Variants in HERC4 observed in about 807,000 individuals in gnomAD.
The protein encoded by HERC4 is probable E3 ubiquitin-protein ligase HERC4.
A neutral mutation model predicts 124.3 loss-of-function variants in HERC4; 28 were observed. The observed-to-expected ratio is 0.23, with a 90% CI of 0.17 to 0.31. The LOEUF (loss-of-function observed/expected upper bound fraction) is 0.31, where lower values mean the gene tolerates loss of function less well. HERC4 is among the 10% of genes least tolerant of loss of function. HERC4 has a pLI of 1.00. For missense variants in HERC4, 713 were observed against 1,229.3 expected, an observed-to-expected ratio of 0.58 and a Z score of 6.28; for synonymous variants, 407 against 421.5, an observed-to-expected ratio of 0.97 and a Z score of 0.42.
chr10:68,057,421 C>T (rs540283169), intron 3 of HERC4, among the ~76,000 whole-genome samples: 93 of 152,016 alleles, frequency 6.1e-4, no homozygotes, highest in Non-Finnish European at 9.0e-4. Context: ...GTCAGGAGTT[C>T]GAGAGCAGCC....
chr10:68,015,037 T>C lies in HERC4; in HGVS notation c.909-851A>G, dbSNP rs368525664. Among the ~76,000 whole-genome samples the C allele has an allele frequency of 7.2e-5, 11 of 152,336 alleles. No homozygotes were observed. The South Asian group carries it at 1.7e-3, about 23-fold the overall frequency. On this transcript the variant is annotated intron_variant, in intron 8 of 24. Transcript: ENST00000373700. ...ACCCATATCTTATGCAATATGACTA[T>C]TACAGTTGTTCCCAGCAAGACTGGA...
intron 3 of HERC4, among the ~76,000 whole-genome samples, chr10:68,048,173 C>T (rs1470508497): frequency 6.6e-6 from 1 of 152,116 alleles, no homozygotes; most frequent in Non-Finnish European, 1.5e-5. Flanking sequence ...CCCACCTCAG[C>T]CTCCCAAAGT....
intron 3 of HERC4, 147 bp from the exon 4 acceptor site, chr10:68,044,710 G>T (rs111833043): frequency 1.5e-6 from 1 of 673,746 alleles, no homozygotes. Flanking sequence ...ACACACACTA[G>T]ATATAACCAG....
At chr10:67,992,109 C>A in intron 11 of HERC4, 90 bp downstream of exon 11, 1 of 1,230,624 alleles carries the variant, frequency 8.1e-7, no homozygotes, top group Non-Finnish European at 1.2e-6. Flanking sequence ...GTTGCCCAGG[C>A]TGGTCTCCAA....
At chr10:67,932,252 T>C (rs961636410) in intron 23 of HERC4, among the ~76,000 whole-genome samples, 2 of 152,174 alleles carry the variant, frequency 1.3e-5, no homozygotes, top group Non-Finnish European at 2.9e-5. Context: ...CCACCACGCC[T>C]GGCCTAAGTT....
chr10:68,068,993 T>A (rs555632375), intron 3 of HERC4: 4 of 951,918 alleles, frequency 4.2e-6, no homozygotes, highest in Non-Finnish European at 3.8e-6. Context: ...GTTTTTTAGA[T>A]AACAGGGCTT....
intron 23 of HERC4, 127 bp from the exon 24 acceptor site, chr10:67,925,314 C>A: frequency 1.9e-6 from 1 of 516,100 alleles, no homozygotes; most frequent in Non-Finnish European, 3.5e-6. Context: ...GTTTTCTGGA[C>A]ATTTACAATT....
intron 3 of HERC4, among the ~76,000 whole-genome samples, chr10:68,052,949 T>C (rs967854091): frequency 6.6e-6 from 1 of 152,194 alleles, no homozygotes. Flanking sequence ...TATACCTTCT[T>C]AAAAAATGAC....
rs1396704066 is a variant in HERC4, at chr10:67,988,701, G to C, written c.1768C>G (p.Leu590Val). Residue 590 changes from leucine to valine, a missense_variant, in exon 15 of 25, where the codon CTT becomes GTT. By Grantham distance (32) the Leu-to-Val change is conservative. Coordinates refer to ENST00000373700, the MANE Select transcript of HERC4 (RefSeq NM_015601.4). ...TCTAAAACCTTTAATGCAGTATGAA[G>C]AAAACTGTTGAAAATTCTTCTTTCA... The part of the protein sequence containing the change: ...PSERRIFNSF[L>V]HTALKVLEIL... 2.5e-6 allele frequency: 4 copies of C among 1,595,476 alleles called. No homozygotes were observed. Among genetic ancestry groups the C allele is most frequent in the Non-Finnish European group, 3.4e-6 (4 of 1,172,274 alleles).
chr10:67,927,418 ATATATATATATATTTTTTTT>A (rs1183792944), intron 23 of HERC4, among the ~76,000 whole-genome samples: 1 of 8,716 alleles, frequency 1.1e-4, no homozygotes, highest in African/African-American at 4.4e-4. Flanking sequence ...ATATATATAT[ATATATATATATATTTTTTTT>A]TTTTTTTAGA....
At chr10:67,995,883 G>A (rs1014923052) in intron 9 of HERC4, among the ~76,000 whole-genome samples, 11 of 152,044 alleles carry the variant, frequency 7.2e-5, no homozygotes, top group African/African-American at 2.4e-4. Flanking sequence ...CAATTTTCAT[G>A]TGTCAAGTAA....
intron 24 of HERC4, among the ~76,000 whole-genome samples, chr10:67,924,840 G>T (rs971110518): frequency 6.6e-6 from 1 of 152,090 alleles, no homozygotes; most frequent in Non-Finnish European, 1.5e-5. Context: ...ACAGTTTATT[G>T]TAACTATAAC....
rs1436035059 is a variant in HERC4 at position 68,059,875 on chromosome 10, TA to T, written c.226+13007del. Among the ~76,000 whole-genome samples the T allele has an allele frequency of 3.3e-4, 27 of 81,426 alleles. 3 individuals carry two copies. The highest frequency in any genetic ancestry group is 6.7e-4 in the South Asian group (2 of 2,986). 53.4% of individuals were successfully genotyped at this position (81,426 alleles called of 152,430 possible). A position where few individuals can be genotyped will look rare whatever the true frequency, so the allele number is the denominator to read the frequency against. ...TATATCATAATATTATATATTATAA[TA>T]ATATTATATATCATAATATTATATA... On this transcript the variant is annotated intron_variant, in intron 3 of 24. Transcript: ENST00000373700.
At chr10:68,052,647 T>C (rs998864894) in intron 3 of HERC4, among the ~76,000 whole-genome samples, 2 of 152,230 alleles carry the variant, frequency 1.3e-5, no homozygotes, top group Admixed American at 1.3e-4. Flanking sequence ...AAAAATATCC[T>C]ATGTCCTCTG....
chr10:67,990,874 T>C (rs1183626426), intron 13 of HERC4, 30 bp downstream of exon 13: 7 of 1,390,042 alleles, frequency 5.0e-6, no homozygotes, highest in Non-Finnish European at 7.0e-6. Context: ...CAACAGATAA[T>C]ACTGTAAACA....
At position 67,935,235 on chromosome 10, in the gene HERC4, T is replaced by C. The variant is rs1055489966; in HGVS notation, c.2654+918A>G. Among the ~76,000 whole-genome samples, 9 of 151,924 alleles carry C rather than the reference T, an allele frequency of 5.9e-5. No individual in the cohort carries two copies. The East Asian group carries it at 9.7e-4, about 16-fold the overall frequency. On this transcript the variant is annotated intron_variant, in intron 22 of 24. Transcript: ENST00000373700. ...ATCTCGGCTCACTGCAAACTCTGCA[T>C]CCTGGGTTCAAGAGACTCTTCTGCC...
intron 3 of HERC4, among the ~76,000 whole-genome samples, chr10:68,045,216 G>A (rs181110830): frequency 6.8e-4 from 103 of 152,214 alleles, no homozygotes; most frequent in African/African-American, 2.2e-3. Context: ...CCAGCTATTC[G>A]GGAGGCTGAA....
chr10:67,968,839 T>C (rs1013123446), intron 15 of HERC4, among the ~76,000 whole-genome samples: 4 of 152,126 alleles, frequency 2.6e-5, no homozygotes, highest in South Asian at 4.2e-4. Flanking sequence ...ATGATTATAT[T>C]TGGAGATTTT....
chr10:68,021,615 C>T (rs2038629802), intron 8 of HERC4, among the ~76,000 whole-genome samples: 1 of 152,130 alleles, frequency 6.6e-6, no homozygotes, highest in Non-Finnish European at 1.5e-5. Flanking sequence ...TCAAGACCAG[C>T]CTGACCAACA....
Sources: gnomAD v4.1 joint callset for allele counts (sites outside exome capture counted in the v4.1 genomes callset) on GRCh38, gnomAD v4.1.1 for gene constraint, MANE v1.5 for transcripts, NCBI Gene and HGNC (gene_info 2026-07-23, HGNC 2026-07-21) for gene names.